Variants in SDCCAG8 observed in about 807,000 individuals in gnomAD.
SDCCAG8 encodes SHH signaling and ciliogenesis regulator SDCCAG8.
Under a neutral mutation model 101.8 loss-of-function variants are expected in SDCCAG8, and 74 were observed. The observed-to-expected ratio is 0.73, with a 90% CI of 0.60 to 0.88. SDCCAG8 has a LOEUF of 0.88. Among genes scored for constraint, SDCCAG8 ranks in the 40% least tolerant of loss-of-function variants. The pLI is 0.00. For synonymous variants in SDCCAG8, 281 were observed against 292.9 expected (o/e 0.96, Z 0.41); for missense variants, 787 against 822.6 (o/e 0.96, Z 0.53).
At chr1:243,259,268 G>A (rs1447855050) in intron 1 of SDCCAG8, among the ~76,000 whole-genome samples, 10 of 151,932 alleles carry the variant, frequency 6.6e-5, no homozygotes, top group Non-Finnish European at 1.5e-4. Flanking sequence ...CTAGCCGGGC[G>A]TGGTGGCGGG....
intron 16 of SDCCAG8, among the ~76,000 whole-genome samples, chr1:243,455,717 C>T (rs1215597198): frequency 6.6e-6 from 1 of 152,172 alleles, no homozygotes; most frequent in Non-Finnish European, 1.5e-5. Context: ...TAAGCAAACC[C>T]AACATATTAA....
chr1:243,271,578 T>C (rs1422376482), intron 3 of SDCCAG8, among the ~76,000 whole-genome samples: 3 of 152,164 alleles, frequency 2.0e-5, no homozygotes, highest in Non-Finnish European at 4.4e-5. Flanking sequence ...AGTCTCATTC[T>C]GTTGCTCAGG....
intron 10 of SDCCAG8, among the ~76,000 whole-genome samples, chr1:243,337,549 C>T (rs2075094538): frequency 6.6e-6 from 1 of 152,166 alleles, no homozygotes; most frequent in Non-Finnish European, 1.5e-5. Flanking sequence ...GAGTTGAATC[C>T]AGCTTGACCT....
intron 13 of SDCCAG8, among the ~76,000 whole-genome samples, chr1:243,386,869 A>G (rs2078338543): frequency 6.6e-6 from 1 of 152,232 alleles, no homozygotes; most frequent in Non-Finnish European, 1.5e-5. Flanking sequence ...ATTTTTCCTA[A>G]GAAACATAGT....
intron 13 of SDCCAG8, among the ~76,000 whole-genome samples, chr1:243,402,228 G>C (rs976030422): frequency 6.6e-6 from 1 of 152,076 alleles, no homozygotes; most frequent in African/African-American, 2.4e-5. Flanking sequence ...AGGAGTTTGA[G>C]ACCAGCCTAG....
At chr1:243,399,059 T>C (rs2079203715) in intron 13 of SDCCAG8, among the ~76,000 whole-genome samples, 1 of 152,218 alleles carries the variant, frequency 6.6e-6, no homozygotes, top group Non-Finnish European at 1.5e-5. Context: ...TACACATACG[T>C]GTGTGTGTAA....
chr1:243,456,871 C>T (rs1428242399), intron 16 of SDCCAG8, among the ~76,000 whole-genome samples: 1 of 152,144 alleles, frequency 6.6e-6, no homozygotes, highest in Non-Finnish European at 1.5e-5. Context: ...GATGCTATAT[C>T]TTTAATAAAT....
chr1:243,400,900 TC>T (rs2079349836), intron 13 of SDCCAG8, among the ~76,000 whole-genome samples: 1 of 152,210 alleles, frequency 6.6e-6, no homozygotes, highest in African/African-American at 2.4e-5. Context: ...GATTTTATTT[TC>T]CTTCAACCCA....
intron 7 of SDCCAG8, among the ~76,000 whole-genome samples, chr1:243,306,769 G>A (rs1205068017): frequency 1.3e-5 from 2 of 152,096 alleles, no homozygotes; most frequent in Admixed American, 6.5e-5. Context: ...TAGGGTAGAC[G>A]CAGCTCATTT....
intron 7 of SDCCAG8, chr1:243,307,739 A>G: frequency 1.4e-6 from 2 of 1,399,418 alleles, no homozygotes; most frequent in Non-Finnish European, 1.9e-6. Flanking sequence ...ATTCTAATCT[A>G]TATTAAAATC....
chr1:243,439,039 G>T (rs1440760147), intron 16 of SDCCAG8, among the ~76,000 whole-genome samples: 1 of 152,176 alleles, frequency 6.6e-6, no homozygotes. Context: ...TGTTTATTTT[G>T]GCTGTAGTCC....
At chr1:243,459,697 C>T in intron 16 of SDCCAG8, among the ~76,000 whole-genome samples, 1 of 152,080 alleles carries the variant, frequency 6.6e-6, no homozygotes, top group East Asian at 1.9e-4. Flanking sequence ...AGCCTTAACT[C>T]CTGTGCTGAA....
chr1:243,471,758 A>C (rs1441040481), intron 16 of SDCCAG8, among the ~76,000 whole-genome samples: 1 of 152,118 alleles, frequency 6.6e-6, no homozygotes, highest in African/African-American at 2.4e-5. Flanking sequence ...TAGCATCACT[A>C]TTTTGGACCT....
intron 16 of SDCCAG8, among the ~76,000 whole-genome samples, chr1:243,462,999 GATAA>G (rs1340999967): frequency 6.6e-6 from 1 of 152,188 alleles, no homozygotes; most frequent in African/African-American, 2.4e-5. Context: ...TATTTTAAAA[GATAA>G]ATAAATCTTT....
At chr1:243,274,944 C>T (rs2068413891) in intron 4 of SDCCAG8, among the ~76,000 whole-genome samples, 1 of 152,196 alleles carries the variant, frequency 6.6e-6, no homozygotes, top group South Asian at 2.1e-4. Flanking sequence ...ACCCCGCTTG[C>T]TGTAGCCCAG....
intron 12 of SDCCAG8, among the ~76,000 whole-genome samples, chr1:243,362,228 C>G (rs1329838967): frequency 7.1e-6 from 1 of 139,940 alleles, no homozygotes; most frequent in African/African-American, 2.7e-5. Context: ...ATAGGTGGGT[C>G]AAGAGATGGC....
intron 12 of SDCCAG8, among the ~76,000 whole-genome samples, chr1:243,373,318 C>G (rs2077413344): frequency 6.6e-6 from 1 of 152,096 alleles, no homozygotes; most frequent in South Asian, 2.1e-4. Flanking sequence ...ATGTTTCATG[C>G]AGTTGTTTCA....
At chr1:243,267,934 C>A (rs1000734752) in intron 1 of SDCCAG8, 2 of 814,012 alleles carry the variant, frequency 2.5e-6, no homozygotes, top group African/African-American at 3.3e-5. Flanking sequence ...GTGGGCCCAG[C>A]TGTGTATTAT....
Position 243,256,203 on chromosome 1 carries a change from G to A in SDCCAG8, c.30G>A (p.Leu10=). The A allele has an allele frequency of 6.2e-7, 1 of 1,614,204 alleles. No homozygotes were observed. Among genetic ancestry groups the A allele is most frequent in the Non-Finnish European group, 8.5e-7 (1 of 1,180,024 alleles). MAKSPENST[L]EEILGQYQRS... is the part of the protein sequence containing the mutation. ...CGAAGTCCCCGGAGAACTCTACCCT[G>A]GAGGAGATTCTGGGGCAGTATCAAC... The change falls in exon 1 of 18, where the codon CTG becomes CTA. Residue 10 remains leucine, a synonymous_variant. Coordinates refer to ENST00000366541, the MANE Select transcript of SDCCAG8 (RefSeq NM_006642.5).
Sources: allele counts gnomAD v4.1 joint callset (sites outside exome capture counted in the v4.1 genomes callset), GRCh38; gene constraint gnomAD v4.1.1; transcripts MANE v1.5; gene names NCBI Gene and HGNC (gene_info 2026-07-23, HGNC 2026-07-21).